ANAPC1: variants seen among roughly 807,000 people sequenced by gnomAD.
ANAPC1 encodes anaphase promoting complex subunit 1.
ANAPC1 carries 36 observed loss-of-function variants against 208.0 expected under a neutral mutation model. That is an observed-to-expected ratio of 0.17 (90% CI 0.13 to 0.23). The LOEUF (loss-of-function observed/expected upper bound fraction) is 0.23, where lower values mean the gene tolerates loss of function less well. Ranked by LOEUF, ANAPC1 falls within the 10% of genes least tolerant of loss-of-function variation. ANAPC1 has a pLI of 1.00. For missense variants in ANAPC1, 942 were observed against 2,011.6 expected (o/e 0.47, Z 10.17); for synonymous variants, 378 against 695.2 (o/e 0.54, Z 7.18).
Position 111,878,978 on chromosome 2 carries a change from A to C in ANAPC1, c.214-7T>G. ...TCCTTAACTGCCAGCTTTCCTTAAA[A>C]ATTAACACATGTAAAACATATTCAA... On this transcript the variant is annotated splice_polypyrimidine_tract_variant and splice_region_variant and intron_variant, in intron 2 of 47. Coordinates refer to ENST00000341068, the MANE Select transcript of ANAPC1 (RefSeq NM_022662.4). 1 of 1,585,570 alleles carries C rather than the reference A, an allele frequency of 6.3e-7. No individual in the cohort carries two copies. Among genetic ancestry groups the C allele is most frequent in the Non-Finnish European group, 8.5e-7 (1 of 1,171,724 alleles).
Position 111,832,657 on chromosome 2 carries a change from C to T in ANAPC1, c.2476+563G>A, listed in dbSNP as rs147898943. ...TAAAAGCATCCTTGGTGGCCTGGCG[C>T]GGTGGCTCACGCCTGTAATCCCAGC... On this transcript the variant is annotated intron_variant, in intron 20 of 47. Transcript: ENST00000341068. 5.2e-3 allele frequency among the ~76,000 whole-genome samples: 789 copies of T among 152,132 alleles called. 14 individuals are homozygous for T. Among genetic ancestry groups the T allele is most frequent in the African/African-American group, 0.018 (746 of 41,524 alleles).
chr2:111,802,889 TTTAA>T (rs1325128953), intron 32 of ANAPC1: 1 of 231,798 alleles, frequency 4.3e-6, no homozygotes, highest in Non-Finnish European at 8.1e-6. Context: ...AGAATTTGTT[TTTAA>T]TTAATAGACT....
intron 24 of ANAPC1, among the ~76,000 whole-genome samples, chr2:111,824,679 G>C (rs1679732855): frequency 6.6e-6 from 1 of 152,172 alleles, no homozygotes; most frequent in South Asian, 2.1e-4. Context: ...TAGGTGATTA[G>C]AGTTCTCCAT....
chr2:111,834,675 C>T lies in ANAPC1; in HGVS notation c.2313G>A (p.Glu771=), dbSNP rs1680366417. The change falls in exon 19 of 48, where the codon GAG becomes GAA. Residue 771 remains glutamate (E), a synonymous_variant. Coordinates refer to ENST00000341068, the MANE Select transcript of ANAPC1 (RefSeq NM_022662.4). ...CCATTAGAGTATTCAACTTAAGCTCCTCATACACAAGGTGAAGAACGAAAA... is the reference window on the plus strand; with the variant it reads ...CCATTAGAGTATTCAACTTAAGCTCTTCATACACAAGGTGAAGAACGAAAA... ...AIFFVLHLVY[E]ELKLNTLMGE... is the part of the protein sequence containing the mutation. The T allele has an allele frequency of 1.9e-6, 3 of 1,613,396 alleles. No homozygotes were observed. The highest frequency in any genetic ancestry group is 1.7e-5 in the Admixed American group (1 of 59,926).
intron 13 of ANAPC1, among the ~76,000 whole-genome samples, chr2:111,855,019 T>C (rs1158680658): frequency 1.3e-5 from 2 of 152,228 alleles, no homozygotes; most frequent in Non-Finnish European, 2.9e-5. Context: ...TAATCATTTC[T>C]AGTTTTTGAT....
chr2:111,787,783 C>T (rs557385570), intron 39 of ANAPC1, among the ~76,000 whole-genome samples: 1 of 146,038 alleles, frequency 6.8e-6, no homozygotes, highest in East Asian at 2.0e-4. Context: ...TTTCTTGTCC[C>T]GTCTATGTCA....
chr2:111,782,242 C>T, intron 43 of ANAPC1, 127 bp downstream of exon 43: 2 of 791,558 alleles, frequency 2.5e-6, no homozygotes, highest in Non-Finnish European at 1.9e-6. Context: ...AACAGAGCCA[C>T]AGTCAGTCTT....
At chr2:111,832,305 GAAAAA>G (rs11431305) in intron 20 of ANAPC1, among the ~76,000 whole-genome samples, 3 of 76,822 alleles carry the variant, frequency 3.9e-5, no homozygotes, top group African/African-American at 1.3e-4. Context: ...CCTGTCTCAA[GAAAAA>G]AAAAAAAAAA....
At chr2:111,870,262 G>A (rs1682673901) in intron 6 of ANAPC1, among the ~76,000 whole-genome samples, 1 of 152,176 alleles carries the variant, frequency 6.6e-6, no homozygotes, top group Non-Finnish European at 1.5e-5. Flanking sequence ...TTGAATGGTA[G>A]ACGTACTTTT....
intron 15 of ANAPC1, 91 bp downstream of exon 15, chr2:111,847,634 T>A (rs904256218): frequency 7.6e-7 from 1 of 1,318,872 alleles, no homozygotes; most frequent in African/African-American, 1.5e-5. Flanking sequence ...ATGAGAAATG[T>A]TTGTTGTCAT....
At chr2:111,854,856 G>A (rs1308618492) in intron 13 of ANAPC1, among the ~76,000 whole-genome samples, 1 of 152,092 alleles carries the variant, frequency 6.6e-6, no homozygotes, top group Non-Finnish European at 1.5e-5. Flanking sequence ...TCAGCGATAA[G>A]GCTGTTTCGC....
chr2:111,827,683 G>A (rs547819830), intron 21 of ANAPC1, among the ~76,000 whole-genome samples: 17 of 152,150 alleles, frequency 1.1e-4, no homozygotes, highest in Non-Finnish European at 2.2e-4. Context: ...TGAGCCCCGG[G>A]AGGTTGAGGC....
intron 19 of ANAPC1, 27 bp downstream of exon 19, chr2:111,834,577 C>A: frequency 6.8e-7 from 1 of 1,474,448 alleles, no homozygotes. Context: ...GACTTCCTGG[C>A]AGTTTCTAAC....
chr2:111,810,309 G>T (rs564328831), intron 28 of ANAPC1, among the ~76,000 whole-genome samples: 10 of 151,414 alleles, frequency 6.6e-5, no homozygotes, highest in South Asian at 4.2e-4. Flanking sequence ...AGGTGGGGGG[G>T]GGTGAGGTAG....
chr2:111,858,030 T>C (rs1406166725), intron 11 of ANAPC1, among the ~76,000 whole-genome samples: 1 of 152,082 alleles, frequency 6.6e-6, no homozygotes, highest in Non-Finnish European at 1.5e-5. Flanking sequence ...CATGGTTGCC[T>C]GAGGCTGGAA....
At chr2:111,829,571 T>C (rs2104453671) in intron 21 of ANAPC1, among the ~76,000 whole-genome samples, 1 of 152,296 alleles carries the variant, frequency 6.6e-6, no homozygotes, top group East Asian at 1.9e-4. Context: ...ACTTACCTTA[T>C]TCACCGTTAC....
chr2:111,770,473 A>C (rs779901195), intron 47 of ANAPC1, among the ~76,000 whole-genome samples: 334 of 140,204 alleles, frequency 2.4e-3, no homozygotes, highest in African/African-American at 7.8e-3. Flanking sequence ...TATTTAACAC[A>C]ATTTTTCAAA....
intron 11 of ANAPC1, 44 bp from the exon 12 acceptor site, chr2:111,856,930 T>C (rs1261187631): frequency 7.0e-7 from 1 of 1,437,370 alleles, no homozygotes; most frequent in African/African-American, 1.4e-5. Flanking sequence ...TGCAACAACC[T>C]GTATGGGTAT....
In ANAPC1 at chr2:111,843,352, A is replaced by C. The variant is rs1680871502; in HGVS notation, c.2040+60T>G. The C allele has an allele frequency of 1.3e-5, 20 of 1,566,946 alleles. 1 individual carries two copies. Among genetic ancestry groups the C allele is most frequent in the Middle Eastern group, 4.6e-4 (2 of 4,362 alleles). The stretch of plus-strand genomic sequence containing the variant: ...TATGTAGTCTCAATGTTATATTACC[A>C]ATTATGCAACCATTACATTAACAGA... On this transcript the variant is annotated intron_variant, in intron 17 of 47. Coordinates refer to ENST00000341068, the MANE Select transcript of ANAPC1 (RefSeq NM_022662.4).
Sources: gnomAD v4.1 joint callset for allele counts (sites outside exome capture counted in the v4.1 genomes callset) on GRCh38, gnomAD v4.1.1 for gene constraint, MANE v1.5 for transcripts, NCBI Gene and HGNC (gene_info 2026-07-23, HGNC 2026-07-21) for gene names.